SLC44A5: variants seen among roughly 807,000 people sequenced by gnomAD.
The protein encoded by SLC44A5 is solute carrier family 44 member 5.
In SLC44A5, 57 loss-of-function variants were observed where a neutral mutation model predicts 101.8. The ratio of observed to expected loss-of-function variants is 0.56; its 90% confidence interval spans 0.45 to 0.70. SLC44A5 has a LOEUF of 0.70. Ranked by LOEUF, SLC44A5 falls within the 30% of genes least tolerant of loss-of-function variation. The pLI is 0.00. For synonymous variants in SLC44A5, 281 were observed against 290.9 expected (o/e 0.97, Z 0.35); for missense variants, 737 against 853.1 (o/e 0.86, Z 1.70).
chr1:75,590,358 C>T (rs1674278464), intron 1 of SLC44A5, among the ~76,000 whole-genome samples: 1 of 152,100 alleles, frequency 6.6e-6, no homozygotes, highest in South Asian at 2.1e-4. Context: ...TCCAGTCTTG[C>T]CAGCATTCAT....
At chr1:75,548,343 G>C (rs1253703732) in intron 1 of SLC44A5, among the ~76,000 whole-genome samples, 1 of 152,064 alleles carries the variant, frequency 6.6e-6, no homozygotes, top group Non-Finnish European at 1.5e-5. Flanking sequence ...AAATACTTTA[G>C]ATGCTAACTT....
the SLC44A5 span, among the ~76,000 whole-genome samples, chr1:75,619,429 C>T: frequency 0.059 from 8,980 of 151,972 alleles, 299 homozygotes; most frequent in Middle Eastern, 0.092. Context: ...GGGTGTGTAC[C>T]ACTAGTCAGC....
At position 75,275,090 on chromosome 1, in the gene SLC44A5, A is replaced by C. The variant is rs146018892; in HGVS notation, c.176-48T>G. On this transcript the variant is annotated intron_variant, in intron 5 of 23. Transcript: ENST00000370859. ...ATATGCTATCAGCAAAAGCCAGCTAAAGGCAGTTTGATTTGAGATATTAGA... is the reference window on the plus strand; with the variant it reads ...ATATGCTATCAGCAAAAGCCAGCTACAGGCAGTTTGATTTGAGATATTAGA... The C allele has an allele frequency of 3.6e-4, 532 of 1,485,776 alleles. 1 individual carries two copies. In the African/African-American group the frequency reaches 6.5e-3, roughly 18 times the overall value. 92.0% of individuals were successfully genotyped at this position (1,485,776 alleles called of 1,614,324 possible). A position where few individuals can be genotyped will look rare whatever the true frequency, so the allele number is the denominator to read the frequency against.
chr1:75,681,529 C>A, the SLC44A5 span, among the ~76,000 whole-genome samples: 1 of 151,320 alleles, frequency 6.6e-6, no homozygotes, highest in Non-Finnish European at 1.5e-5. Flanking sequence ...TCAATAGATG[C>A]AGAAAAGGCC....
At chr1:75,345,357 A>G (rs1011201010) in intron 3 of SLC44A5, among the ~76,000 whole-genome samples, 3 of 152,086 alleles carry the variant, frequency 2.0e-5, no homozygotes, top group Non-Finnish European at 4.4e-5. Context: ...TGATCTTGGG[A>G]GAATTACTTT....
intron 1 of SLC44A5, among the ~76,000 whole-genome samples, chr1:75,592,036 C>G (rs1364196756): frequency 6.6e-6 from 1 of 152,034 alleles, no homozygotes; most frequent in Non-Finnish European, 1.5e-5. Context: ...CTAGAACAAT[C>G]AGACAAGAGA....
At chr1:75,659,208 TATTGATTCTACTCAAA>T in the SLC44A5 span, among the ~76,000 whole-genome samples, 2 of 151,010 alleles carry the variant, frequency 1.3e-5, no homozygotes, top group Non-Finnish European at 2.9e-5. Context: ...AGAAAACTAA[TATTGATTCTACTCAAA>T]AAGAGGAAGA....
intron 16 of SLC44A5, among the ~76,000 whole-genome samples, chr1:75,219,012 C>G (rs1302100191): frequency 6.6e-6 from 1 of 152,126 alleles, no homozygotes; most frequent in African/African-American, 2.4e-5. Context: ...ACCATACCTA[C>G]TTTCTATGGT....
intron 4 of SLC44A5, among the ~76,000 whole-genome samples, chr1:75,303,396 C>T (rs926070055): frequency 6.6e-6 from 1 of 152,098 alleles, no homozygotes; most frequent in Non-Finnish European, 1.5e-5. Context: ...CCACCATGCC[C>T]GGCTAATTTT....
At chr1:75,460,604 G>C (rs999526082) in intron 2 of SLC44A5, among the ~76,000 whole-genome samples, 6 of 152,046 alleles carry the variant, frequency 3.9e-5, no homozygotes, top group Non-Finnish European at 8.8e-5. Context: ...ATGCAGCTGT[G>C]GGACAATCTC....
chr1:75,491,848 GT>G (rs1240271902), intron 2 of SLC44A5, among the ~76,000 whole-genome samples: 2 of 152,118 alleles, frequency 1.3e-5, no homozygotes, highest in Admixed American at 1.3e-4. Flanking sequence ...AGGTTATTTT[GT>G]CTTAGAAAGA....
chr1:75,682,818 A>C, the SLC44A5 span, among the ~76,000 whole-genome samples: 18 of 152,196 alleles, frequency 1.2e-4, no homozygotes, highest in African/African-American at 3.6e-4. Context: ...CTGAACAGGC[A>C]ACCTACAAAA....
intron 2 of SLC44A5, among the ~76,000 whole-genome samples, chr1:75,493,031 A>C (rs993989581): frequency 5.3e-5 from 8 of 152,232 alleles, no homozygotes; most frequent in Non-Finnish European, 8.8e-5. Flanking sequence ...GACAAAGACC[A>C]TGACCTCATC....
At chr1:75,598,813 T>C (rs571631163) in intron 1 of SLC44A5, among the ~76,000 whole-genome samples, 74 of 152,224 alleles carry the variant, frequency 4.9e-4, no homozygotes, top group Non-Finnish European at 4.4e-4. Context: ...TCAGGAAAAG[T>C]AACTAGTGGG....
chr1:75,685,761 A>C, the SLC44A5 span, among the ~76,000 whole-genome samples: 1 of 152,062 alleles, frequency 6.6e-6, no homozygotes, highest in Non-Finnish European at 1.5e-5. Context: ...CCCAGTTCCA[A>C]AGGTTGTTTC....
intron 2 of SLC44A5, among the ~76,000 whole-genome samples, chr1:75,519,548 A>G (rs1346590229): frequency 6.6e-6 from 1 of 151,616 alleles, no homozygotes; most frequent in African/African-American, 2.4e-5. Context: ...ACAGAGCTAG[A>G]CTCCGTCTCA....
intron 3 of SLC44A5, among the ~76,000 whole-genome samples, chr1:75,369,787 A>G (rs931362720): frequency 2.2e-4 from 34 of 152,166 alleles, no homozygotes; most frequent in African/African-American, 7.7e-4. Flanking sequence ...ATGTTAGTTA[A>G]GTTTATAAGG....
chr1:75,673,674 G>C, the SLC44A5 span, among the ~76,000 whole-genome samples: 1 of 152,170 alleles, frequency 6.6e-6, no homozygotes, highest in African/African-American at 2.4e-5. Context: ...GCGACCACAA[G>C]AGTGCTTGTG....
At chr1:75,395,716 A>T (rs1340060834) in intron 3 of SLC44A5, among the ~76,000 whole-genome samples, 1 of 152,176 alleles carries the variant, frequency 6.6e-6, no homozygotes, top group Non-Finnish European at 1.5e-5. Flanking sequence ...GTTTTGCTCT[A>T]TGTATATATA....
Sources: allele counts gnomAD v4.1 joint callset (sites outside exome capture counted in the v4.1 genomes callset), GRCh38; gene constraint gnomAD v4.1.1; transcripts MANE v1.5; gene names NCBI Gene and HGNC (gene_info 2026-07-23, HGNC 2026-07-21).